The following ARHGAP10 variants were observed in gnomAD, a reference collection of about 807,000 sequenced individuals.
ARHGAP10 encodes the protein rho GTPase-activating protein 10.
In ARHGAP10, 87 loss-of-function variants were observed where a neutral mutation model predicts 108.6. The ratio of observed to expected loss-of-function variants is 0.80; its 90% confidence interval spans 0.67 to 0.96. The LOEUF (loss-of-function observed/expected upper bound fraction) is 0.96. Among genes scored for constraint, ARHGAP10 ranks in the 40% least tolerant of loss-of-function variants. ARHGAP10 has a pLI of 0.00. For synonymous variants in ARHGAP10, 347 were observed against 341.1 expected (o/e 1.02, Z -0.19); for missense variants, 939 against 954.5 (o/e 0.98, Z 0.21).
chr4:147,734,645 G>A (rs1344340886), intron 1 of ARHGAP10, among the ~76,000 whole-genome samples: 8 of 152,152 alleles, frequency 5.3e-5, no homozygotes, highest in African/African-American at 1.7e-4. Context: ...TGGTTAGGGC[G>A]TGGCTATAGG....
intron 16 of ARHGAP10, among the ~76,000 whole-genome samples, chr4:147,959,369 A>T (rs1425902126): frequency 2.0e-5 from 3 of 151,956 alleles, no homozygotes; most frequent in Admixed American, 6.6e-5. Context: ...TTCTTTTTTT[A>T]AATTTTTTAA....
chr4:147,934,178 C>T (rs1356055557), intron 13 of ARHGAP10, among the ~76,000 whole-genome samples: 3 of 152,224 alleles, frequency 2.0e-5, no homozygotes, highest in African/African-American at 4.8e-5. Context: ...TTTTGGACCC[C>T]TTGGCAGATA....
intron 8 of ARHGAP10, among the ~76,000 whole-genome samples, chr4:147,876,748 A>G (rs891978590): frequency 5.9e-5 from 9 of 152,238 alleles, no homozygotes; most frequent in African/African-American, 1.7e-4. Context: ...CTGAAACAAC[A>G]TAACAGTAGT....
In ARHGAP10 at chr4:147,965,044, C is replaced by T. The variant is rs753824577; in HGVS notation, c.1471C>T (p.Arg491Cys). ...GGAAGAAAGCGGCAGCCCAGAATCT[C>T]GTGTTAATGCGATCCATTTCTTGGT... ...VPAKSGSPESRVNAIHFLVHK... is the reference protein window; with the variant it reads ...VPAKSGSPESCVNAIHFLVHK... Residue 491 changes from arginine to cysteine, a missense_variant, in exon 17 of 23, where the codon CGT becomes TGT. Physicochemically the swap from Arg to Cys is radical, Grantham distance 180. Transcript: ENST00000336498. The T allele has an allele frequency of 2.5e-6, 4 of 1,580,264 alleles. No individual in the cohort carries two copies. Among genetic ancestry groups the T allele is most frequent in the South Asian group, 1.2e-5 (1 of 82,362 alleles).
At chr4:147,849,189 A>G (rs1158387431) in intron 4 of ARHGAP10, among the ~76,000 whole-genome samples, 1 of 151,584 alleles carries the variant, frequency 6.6e-6, no homozygotes, top group Non-Finnish European at 1.5e-5. Flanking sequence ...TAAACTATGT[A>G]AACATCTGTC....
intron 13 of ARHGAP10, among the ~76,000 whole-genome samples, chr4:147,936,586 C>T (rs181571917): frequency 6.6e-5 from 10 of 152,166 alleles, no homozygotes; most frequent in Admixed American, 5.9e-4. Flanking sequence ...GCCTCGGCCT[C>T]CCAAAGTGCT....
intron 18 of ARHGAP10, among the ~76,000 whole-genome samples, chr4:147,977,166 T>C (rs574992603): frequency 6.6e-6 from 1 of 152,318 alleles, no homozygotes; most frequent in African/African-American, 2.4e-5. Context: ...ATTTGCAGAA[T>C]AAAAAATGAT....
chr4:147,782,303 ACT>A (rs1730567251), intron 1 of ARHGAP10, among the ~76,000 whole-genome samples: 2 of 151,820 alleles, frequency 1.3e-5, no homozygotes, highest in Non-Finnish European at 2.9e-5. Context: ...GAGGAGCAAG[ACT>A]CTATGTCTTT....
chr4:147,873,245 T>C (rs1734914267), intron 7 of ARHGAP10, among the ~76,000 whole-genome samples: 1 of 152,042 alleles, frequency 6.6e-6, no homozygotes, highest in Non-Finnish European at 1.5e-5. Flanking sequence ...GGTTGAAGAA[T>C]CAAGGGGACC....
At chr4:148,030,245 G>C (rs1256126785) in intron 19 of ARHGAP10, among the ~76,000 whole-genome samples, 3 of 152,258 alleles carry the variant, frequency 2.0e-5, no homozygotes, top group East Asian at 3.9e-4. Flanking sequence ...TCTCCCTGTG[G>C]AGTGGGTTTT....
At chr4:147,998,286 T>A (rs1052134981) in intron 18 of ARHGAP10, among the ~76,000 whole-genome samples, 1 of 152,126 alleles carries the variant, frequency 6.6e-6, no homozygotes, top group Non-Finnish European at 1.5e-5. Context: ...ATAATAGATA[T>A]ACAGTGCATA....
chr4:147,837,541 A>G (rs1733217437), intron 3 of ARHGAP10, among the ~76,000 whole-genome samples: 1 of 151,670 alleles, frequency 6.6e-6, no homozygotes, highest in South Asian at 2.1e-4. Context: ...TGTGGACACT[A>G]CAGTTTGCAC....
At chr4:147,876,502 A>G (rs938897030) in intron 8 of ARHGAP10, among the ~76,000 whole-genome samples, 52 of 152,046 alleles carry the variant, frequency 3.4e-4, no homozygotes, top group African/African-American at 1.2e-3. Flanking sequence ...CTGAGGCAGG[A>G]GAATGGCGTG....
intron 19 of ARHGAP10, among the ~76,000 whole-genome samples, chr4:148,033,036 TA>T (rs1728223159): frequency 6.6e-6 from 1 of 152,210 alleles, no homozygotes; most frequent in Admixed American, 6.5e-5. Context: ...CCAATCATGT[TA>T]ACACTCAATA....
chr4:148,005,529 A>G lies in ARHGAP10; in HGVS notation c.1717-17734A>G, dbSNP rs1482975858. ...CCTTTTGTGGTTTTCTTCTTTGACT[A>G]AAAAGCCAACTAAATGGCTATTAAA... is the stretch of plus-strand genomic sequence containing the variant. On this transcript the variant is annotated intron_variant, in intron 18 of 22. Transcript: ENST00000336498. Among the ~76,000 whole-genome samples the G allele has an allele frequency of 2.6e-5, 4 of 152,320 alleles. No homozygotes were observed. The East Asian group carries it at 5.8e-4, about 22-fold the overall frequency.
chr4:147,887,037 G>A (rs971206236), intron 10 of ARHGAP10, among the ~76,000 whole-genome samples: 3 of 152,048 alleles, frequency 2.0e-5, no homozygotes, highest in African/African-American at 4.8e-5. Flanking sequence ...GATTACAGGC[G>A]CGAGTCACCC....
At chr4:147,742,300 C>A (rs1041218544) in intron 1 of ARHGAP10, among the ~76,000 whole-genome samples, 4 of 152,016 alleles carry the variant, frequency 2.6e-5, no homozygotes, top group African/African-American at 9.7e-5. Flanking sequence ...AACTCTGCCT[C>A]ACTGGTGGTG....
At chr4:147,883,046 T>G (rs1468245628) in intron 10 of ARHGAP10, among the ~76,000 whole-genome samples, 1 of 152,152 alleles carries the variant, frequency 6.6e-6, no homozygotes, top group East Asian at 1.9e-4. Context: ...TTAGATGATA[T>G]AGTTGAGTCT....
intron 1 of ARHGAP10, among the ~76,000 whole-genome samples, chr4:147,740,210 A>G (rs1728603754): frequency 2.6e-5 from 4 of 151,620 alleles, no homozygotes. Context: ...GGTGTGTGCC[A>G]CCAGGCCTGG....
Sources: gnomAD v4.1 joint callset for allele counts (sites outside exome capture counted in the v4.1 genomes callset) on GRCh38, gnomAD v4.1.1 for gene constraint, MANE v1.5 for transcripts, NCBI Gene and HGNC (gene_info 2026-07-23, HGNC 2026-07-21) for gene names.